SMYD3: variants seen among roughly 807,000 people sequenced by gnomAD.
SMYD3 encodes the protein histone-lysine N-methyltransferase SMYD3.
A neutral mutation model predicts 57.7 loss-of-function variants in SMYD3; 36 were observed. That is an observed-to-expected ratio of 0.62 (90% CI 0.48 to 0.82). The LOEUF is 0.82. Ranked by LOEUF, SMYD3 falls within the 40% of genes least tolerant of loss-of-function variation. The pLI, the probability that SMYD3 is intolerant of heterozygous loss-of-function variation, is 0.00. For synonymous variants in SMYD3, 211 were observed against 195.0 expected (o/e 1.08, Z -0.68); for missense variants, 515 against 538.8 (o/e 0.96, Z 0.44).
chr1:245,833,143 A>C (rs1262304202), intron 10 of SMYD3, among the ~76,000 whole-genome samples: 1 of 151,792 alleles, frequency 6.6e-6, no homozygotes, highest in East Asian at 1.9e-4. Context: ...TTTTAGATTT[A>C]CAGAAAAGTT....
chr1:246,335,167 T>C (rs1021644673), intron 3 of SMYD3, among the ~76,000 whole-genome samples, 200 bp downstream of exon 3: 4 of 152,210 alleles, frequency 2.6e-5, no homozygotes, highest in Non-Finnish European at 5.9e-5. Flanking sequence ...GAACACTTAA[T>C]AGACTACGGT....
At chr1:246,198,946 T>A (rs551377144) in intron 5 of SMYD3, among the ~76,000 whole-genome samples, 3 of 152,234 alleles carry the variant, frequency 2.0e-5, no homozygotes, top group South Asian at 4.2e-4. Flanking sequence ...ATTAAAGGGT[T>A]TTTTAATGTA....
chr1:246,378,089 T>C (rs2066309684), intron 1 of SMYD3, among the ~76,000 whole-genome samples: 1 of 152,248 alleles, frequency 6.6e-6, no homozygotes, highest in Admixed American at 6.5e-5. Flanking sequence ...TTGCATATTT[T>C]CTACTGAGTT....
At chr1:246,467,005 T>C (rs1053600322) in intron 1 of SMYD3, among the ~76,000 whole-genome samples, 1 of 145,748 alleles carries the variant, frequency 6.9e-6, no homozygotes, top group Non-Finnish European at 1.5e-5. Flanking sequence ...TCATCTCTAC[T>C]AAAAAGACAA....
At chr1:245,814,254 T>C (rs2048661173) in intron 10 of SMYD3, 3 of 522,982 alleles carry the variant, frequency 5.7e-6, no homozygotes, top group Non-Finnish European at 7.4e-6. Flanking sequence ...GTTTTGAAGG[T>C]AAACAATTTA....
intron 5 of SMYD3, among the ~76,000 whole-genome samples, chr1:246,133,462 G>A (rs757442594): frequency 6.6e-6 from 1 of 152,080 alleles, no homozygotes; most frequent in Admixed American, 6.5e-5. Context: ...AGACCTGAGT[G>A]TTGTTAAACT....
intron 1 of SMYD3, among the ~76,000 whole-genome samples, chr1:246,374,606 G>C (rs2066242842): frequency 6.6e-6 from 1 of 152,102 alleles, no homozygotes; most frequent in African/African-American, 2.4e-5. Flanking sequence ...GCATGTTTTA[G>C]ATAAGCTTCA....
intron 5 of SMYD3, among the ~76,000 whole-genome samples, chr1:246,051,062 G>A (rs1421290742): frequency 4.6e-5 from 7 of 151,320 alleles, no homozygotes; most frequent in African/African-American, 1.7e-4. Flanking sequence ...GACATACCAA[G>A]TACTATTCTT....
chr1:246,412,358 C>T (rs1484656627), intron 1 of SMYD3, among the ~76,000 whole-genome samples: 3 of 152,192 alleles, frequency 2.0e-5, no homozygotes. Flanking sequence ...GACAAAACTG[C>T]ATTGCCTAAT....
chr1:246,274,057 C>T (rs1285359773), intron 5 of SMYD3, among the ~76,000 whole-genome samples: 1 of 152,002 alleles, frequency 6.6e-6, no homozygotes, highest in African/African-American at 2.4e-5. Context: ...AGAATTAGAC[C>T]TATCGATCAT....
intron 5 of SMYD3, among the ~76,000 whole-genome samples, chr1:246,083,095 GAC>G (rs1187077350): frequency 1.3e-5 from 2 of 151,142 alleles, no homozygotes; most frequent in Non-Finnish European, 3.0e-5. Flanking sequence ...CCCCCAGCCC[GAC>G]ACCCGTAAAG....
intron 5 of SMYD3, among the ~76,000 whole-genome samples, chr1:245,956,971 A>G (rs1257542902): frequency 1.3e-5 from 2 of 152,302 alleles, no homozygotes; most frequent in East Asian, 3.9e-4. Flanking sequence ...CCATCTCAAC[A>G]TCTTATTAAA....
chr1:246,330,675 C>T (rs897061229), intron 3 of SMYD3, 138 bp from the exon 4 acceptor site: 9 of 574,022 alleles, frequency 1.6e-5, no homozygotes, highest in Admixed American at 4.0e-5. Flanking sequence ...CTATTCATCA[C>T]TCTCATTAGA....
At chr1:245,990,768 C>T (rs2058797070) in intron 5 of SMYD3, among the ~76,000 whole-genome samples, 1 of 152,180 alleles carries the variant, frequency 6.6e-6, no homozygotes, top group Non-Finnish European at 1.5e-5. Context: ...AATTTTAGTC[C>T]AGTGGGACTC....
At chr1:246,046,468 C>A (rs1192973438) in intron 5 of SMYD3, among the ~76,000 whole-genome samples, 3 of 151,690 alleles carry the variant, frequency 2.0e-5, no homozygotes, top group African/African-American at 7.3e-5. Context: ...CACACCGGGG[C>A]CTGTCATGGG....
chr1:245,752,629 C>T (rs919959613), intron 11 of SMYD3, among the ~76,000 whole-genome samples: 6 of 152,200 alleles, frequency 3.9e-5, no homozygotes, highest in Non-Finnish European at 4.4e-5. Context: ...GGTCTACTCC[C>T]CACTGATCCA....
chr1:246,009,144 C>T (rs890858979), intron 5 of SMYD3, among the ~76,000 whole-genome samples: 4 of 152,260 alleles, frequency 2.6e-5, no homozygotes, highest in East Asian at 3.9e-4. Context: ...AGGTGTGTAT[C>T]GTTGGGCCAT....
At chr1:246,055,375 C>A (rs4535970) in intron 5 of SMYD3, among the ~76,000 whole-genome samples, 71,695 of 151,942 alleles carry the variant, frequency 0.47, 20,262 homozygotes, top group East Asian at 0.96. Context: ...AGGCAGGAGA[C>A]TCATTTGAGA....
chr1:246,215,708 C>G (rs189228166), intron 5 of SMYD3, among the ~76,000 whole-genome samples: 1 of 152,106 alleles, frequency 6.6e-6, no homozygotes. Context: ...CGGAACTCAA[C>G]TGTCCAAAGA....
Sources: allele counts gnomAD v4.1 joint callset (sites outside exome capture counted in the v4.1 genomes callset), GRCh38; gene constraint gnomAD v4.1.1; transcripts MANE v1.5; gene names NCBI Gene and HGNC (gene_info 2026-07-23, HGNC 2026-07-21).